NEK10: variants seen among roughly 807,000 people sequenced by gnomAD.
NEK10 encodes the protein serine/threonine-protein kinase Nek10.
A neutral mutation model predicts 159.8 loss-of-function variants in NEK10; 122 were observed. That is an observed-to-expected ratio of 0.76 (90% CI 0.66 to 0.89). The LOEUF is 0.89. Ranked by LOEUF, NEK10 falls within the 40% of genes least tolerant of loss-of-function variation. NEK10 has a pLI of 0.00. For missense variants in NEK10, 1,342 were observed against 1,323.1 expected, an observed-to-expected ratio of 1.01 and a Z score of -0.22; for synonymous variants, 466 against 457.1, an observed-to-expected ratio of 1.02 and a Z score of -0.25.
chr3:27,301,689 TA>T lies in NEK10; in HGVS notation c.1168+6del. The T allele has an allele frequency of 6.5e-7, 1 of 1,531,298 alleles. No homozygotes were observed. The highest frequency in any genetic ancestry group is 8.9e-7 in the Non-Finnish European group (1 of 1,119,658). 94.9% of individuals were successfully genotyped at this position (1,531,298 alleles called of 1,614,324 possible). A position where few individuals can be genotyped will look rare whatever the true frequency, so the allele number is the denominator to read the frequency against. ...TTATAGCATATCAAATAATAAAACA[TA>T]AATACCTGCTTGAAGTGAGAAAGTA... On this transcript the variant is annotated splice_donor_region_variant and intron_variant, in intron 13 of 35. Transcript: ENST00000691995.
intron 25 of NEK10, among the ~76,000 whole-genome samples, chr3:27,198,004 G>A (rs1419653147): frequency 6.6e-6 from 1 of 152,074 alleles, no homozygotes; most frequent in Non-Finnish European, 1.5e-5. Context: ...CAAGCCAAGA[G>A]CCAGATCAGG....
chr3:27,278,721 A>C lies in NEK10; in HGVS notation c.2014+5881T>G, dbSNP rs544150266. The stretch of plus-strand genomic sequence containing the variant: ...ATTTGAAAGCAGAGGAGGCAAGCGG[A>C]CATGGAAGGTTTACATTAAAATAAG... On this transcript the variant is annotated intron_variant, in intron 22 of 35. Transcript: ENST00000691995. 3 of 984,544 alleles carry C rather than the reference A, an allele frequency of 3.0e-6. No individual in the cohort carries two copies. The African/African-American group carries it at 5.2e-5, about 17-fold the overall frequency. The allele number at this position is 984,544 out of a possible 1,614,324, so 61.0% of individuals were successfully genotyped here. A position where few individuals can be genotyped will look rare whatever the true frequency, so the allele number is the denominator to read the frequency against.
At chr3:27,185,053 G>C (rs1019683910) in intron 26 of NEK10, among the ~76,000 whole-genome samples, 1 of 152,096 alleles carries the variant, frequency 6.6e-6, no homozygotes, top group African/African-American at 2.4e-5. Flanking sequence ...AAAAATATCA[G>C]TATCTGTCAA....
At chr3:27,156,814 T>C (rs1362870090) in intron 30 of NEK10, among the ~76,000 whole-genome samples, 1 of 150,616 alleles carries the variant, frequency 6.6e-6, no homozygotes, top group East Asian at 2.0e-4. Flanking sequence ...GAGGAAAAGA[T>C]ATCATAATAC....
Position 27,131,880 on chromosome 3 carries a change from C to T in NEK10, c.3081G>A (p.Lys1027=). The T allele has an allele frequency of 6.5e-7, 1 of 1,537,928 alleles. No homozygotes were observed. The highest frequency in any genetic ancestry group is 9.0e-7 in the Non-Finnish European group (1 of 1,113,920). The change falls in exon 32 of 36, where the codon AAG becomes AAA. Residue 1027 remains lysine, a splice_region_variant and synonymous_variant. Coordinates refer to ENST00000691995, the MANE Select transcript of NEK10 (RefSeq NM_001394966.1). ...AATTCCTATATATAGAATACCATAC[C>T]TTTTTAATTTCAGATTTCAAATTAC... ...NPCNLKSEIK[K]LSQGSPEPIE...
intron 22 of NEK10, chr3:27,265,541 C>T (rs2040816455): frequency 6.6e-6 from 1 of 152,140 alleles, no homozygotes; most frequent in African/African-American, 2.4e-5. Flanking sequence ...GTGTTGAACA[C>T]TTTTCATGTA....
In NEK10 at chr3:27,257,788, C is replaced by CTT. The variant is rs79727702; in HGVS notation, c.2015-1419_2015-1418dup. On this transcript the variant is annotated intron_variant, in intron 22 of 35. Transcript: ENST00000691995. ...TTGTTTTCCAATAGCTTTCTTTTTT[C>CTT]TTTTTTTTTTTTTTTTTTGAGACGG... Among the ~76,000 whole-genome samples the CTT allele has an allele frequency of 1.9e-3, 249 of 130,510 alleles. 5 individuals carry two copies. The highest frequency in any genetic ancestry group is 6.6e-3 in the African/African-American group (223 of 33,778). 85.6% of individuals were successfully genotyped at this position (130,510 alleles called of 152,430 possible). A position where few individuals can be genotyped will look rare whatever the true frequency, so the allele number is the denominator to read the frequency against.
intron 23 of NEK10, among the ~76,000 whole-genome samples, chr3:27,221,658 C>T (rs749486252): frequency 2.4e-4 from 37 of 152,336 alleles, no homozygotes; most frequent in African/African-American, 5.5e-4. Flanking sequence ...AGGCTTTGCC[C>T]GGCAGACCTC....
chr3:27,272,148 C>G (rs2041412837), intron 22 of NEK10, among the ~76,000 whole-genome samples: 1 of 152,160 alleles, frequency 6.6e-6, no homozygotes, highest in South Asian at 2.1e-4. Flanking sequence ...CCACAGGGAA[C>G]CCAGCTGTTC....
chr3:27,344,408 G>A (rs757063228), intron 4 of NEK10, 38 bp from the exon 5 acceptor site: 75 of 1,097,960 alleles, frequency 6.8e-5, no homozygotes, highest in Non-Finnish European at 9.3e-5. Flanking sequence ...TTGTAATAGA[G>A]ATCAGGCTGT....
chr3:27,317,889 G>A (rs1279611848), intron 6 of NEK10, among the ~76,000 whole-genome samples: 2 of 152,042 alleles, frequency 1.3e-5, no homozygotes, highest in South Asian at 2.1e-4. Flanking sequence ...TGCAAGCTCC[G>A]CCTCCCGGGT....
At chr3:27,338,227 G>C (rs1051542862) in intron 5 of NEK10, among the ~76,000 whole-genome samples, 2 of 152,128 alleles carry the variant, frequency 1.3e-5, no homozygotes, top group Non-Finnish European at 2.9e-5. Flanking sequence ...TGAGAAGGAT[G>C]GTTTCCAGCT....
At chr3:27,130,552 C>T (rs999942008) in intron 32 of NEK10, among the ~76,000 whole-genome samples, 1 of 152,066 alleles carries the variant, frequency 6.6e-6, no homozygotes, top group Non-Finnish European at 1.5e-5. Context: ...GGAGTTGAAG[C>T]CACCTTTATG....
intron 32 of NEK10, among the ~76,000 whole-genome samples, chr3:27,127,450 C>T (rs1575415578): frequency 6.6e-6 from 1 of 152,132 alleles, no homozygotes; most frequent in African/African-American, 2.4e-5. Flanking sequence ...CTACTACACA[C>T]CTAGGCTATA....
chr3:27,284,410 T>G (rs2042423338), intron 22 of NEK10, among the ~76,000 whole-genome samples, 192 bp downstream of exon 22: 1 of 151,956 alleles, frequency 6.6e-6, no homozygotes, highest in African/African-American at 2.4e-5. Flanking sequence ...TAATTAAAAT[T>G]TAAGATGTAT....
At chr3:27,201,623 C>T (rs763308224) in intron 24 of NEK10, 43 bp from the exon 25 acceptor site, 9 of 1,461,340 alleles carry the variant, frequency 6.2e-6, no homozygotes, top group East Asian at 2.3e-5. Flanking sequence ...AAAGGGGCCA[C>T]GGATGTCTTT....
chr3:27,187,278 C>A (rs1948704774), intron 26 of NEK10, among the ~76,000 whole-genome samples: 1 of 152,154 alleles, frequency 6.6e-6, no homozygotes, highest in African/African-American at 2.4e-5. Flanking sequence ...CTGTTGCCAT[C>A]TTCGGAAGAG....
At chr3:27,352,431 T>C (rs2048033681) in intron 3 of NEK10, 34 bp downstream of exon 3, 1 of 1,469,096 alleles carries the variant, frequency 6.8e-7, no homozygotes, top group Admixed American at 1.7e-5. Context: ...GATTTTTCTT[T>C]TATTACCAAG....
intron 23 of NEK10, among the ~76,000 whole-genome samples, chr3:27,209,846 G>A (rs560180345): frequency 6.6e-6 from 1 of 150,938 alleles, no homozygotes; most frequent in African/African-American, 2.4e-5. Flanking sequence ...CAAAGGAACT[G>A]CAAACCACAG....
Sources: gnomAD v4.1 joint callset for allele counts (sites outside exome capture counted in the v4.1 genomes callset) on GRCh38, gnomAD v4.1.1 for gene constraint, MANE v1.5 for transcripts, NCBI Gene and HGNC (gene_info 2026-07-23, HGNC 2026-07-21) for gene names.